The following B3GALNT1 variants were observed in gnomAD, a reference collection of about 807,000 sequenced individuals.
B3GALNT1 encodes the protein UDP-GalNAc:beta-1,3-N-acetylgalactosaminyltransferase 1.
A neutral mutation model predicts 27.3 loss-of-function variants in B3GALNT1; 17 were observed. The ratio of observed to expected loss-of-function variants is 0.62; its 90% CI spans 0.43 to 0.94. The LOEUF (loss-of-function observed/expected upper bound fraction) is 0.94, where lower values mean the gene tolerates loss of function less well. B3GALNT1 is among the 40% of genes least tolerant of loss of function. B3GALNT1 has a pLI of 0.00. For synonymous variants in B3GALNT1, 141 were observed against 144.0 expected (o/e 0.98, Z 0.15); for missense variants, 347 against 390.0 (o/e 0.89, Z 0.93).
chr3:161,096,857 T>A (rs762750076), intron 4 of B3GALNT1, among the ~76,000 whole-genome samples: 1 of 152,174 alleles, frequency 6.6e-6, no homozygotes. Flanking sequence ...TGAAAAATAC[T>A]GGAAGCCAAG....
In B3GALNT1 at chr3:161,085,941, T is replaced by C. The variant is rs749561701; in HGVS notation, c.814A>G (p.Ile272Val). 3.1e-6 allele frequency: 5 copies of C among 1,606,430 alleles called. No homozygotes were observed. The highest frequency in any genetic ancestry group is 2.2e-5 in the South Asian group (2 of 89,770). ...PIKFEDVYVG[I>V]CLNLLKVNIH... ...TTCACTTTTAATAAATTCAAACAGATCCCGACATAAACATCTTCAAACTTG... is the reference window on the plus strand; with the variant it reads ...TTCACTTTTAATAAATTCAAACAGACCCCGACATAAACATCTTCAAACTTG... The change falls in exon 5 of 5, where the codon ATC becomes GTC. Residue 272 changes from isoleucine (I) to valine (V), a missense_variant. By Grantham distance (29) the Ile-to-Val change is conservative. Coordinates refer to ENST00000320474, the MANE Select transcript of B3GALNT1 (RefSeq NM_003781.4).
intron 4 of B3GALNT1, among the ~76,000 whole-genome samples, chr3:161,087,446 T>A (rs980661003): frequency 1.3e-5 from 2 of 152,202 alleles, no homozygotes; most frequent in Non-Finnish European, 2.9e-5. Context: ...AGCTTTTACC[T>A]GCCCCAAACA....
chr3:161,098,975 TA>T (rs1434848746), intron 4 of B3GALNT1, among the ~76,000 whole-genome samples: 1 of 152,214 alleles, frequency 6.6e-6, no homozygotes, highest in Non-Finnish European at 1.5e-5. Flanking sequence ...GCTGGACACT[TA>T]AAGTCCTTCT....
intron 4 of B3GALNT1, among the ~76,000 whole-genome samples, chr3:161,097,764 G>C (rs986502734): frequency 6.6e-6 from 1 of 152,178 alleles, no homozygotes; most frequent in East Asian, 1.9e-4. Context: ...AGCTGGAGGA[G>C]AGCTGCAAAA....
intron 4 of B3GALNT1, among the ~76,000 whole-genome samples, chr3:161,093,343 C>G (rs1323795049): frequency 1.3e-5 from 2 of 152,186 alleles, no homozygotes; most frequent in African/African-American, 4.8e-5. Flanking sequence ...AAACGATACT[C>G]AGGCATGTAG....
chr3:161,085,420 ATTGTT>A lies in B3GALNT1; in HGVS notation c.*334_*338del. Reference sequence around the variant, plus strand: ...CATTGTTCAATAAATAAAACTCTACATTGTTTTGTTTTTACAGCCTAGTGAGCTTA... The same window carrying A: ...CATTGTTCAATAAATAAAACTCTACATTGTTTTTACAGCCTAGTGAGCTTA... On this transcript the variant is annotated 3_prime_UTR_variant, in exon 5 of 5. Transcript: ENST00000320474. 1 of 272,952 alleles carries A rather than the reference ATTGTT, an allele frequency of 3.7e-6. No individual in the cohort carries two copies. The highest frequency in any genetic ancestry group is 7.0e-6 in the Non-Finnish European group (1 of 142,652). 16.9% of individuals were successfully genotyped at this position (272,952 alleles called of 1,614,324 possible). A position where few individuals can be genotyped will look rare whatever the true frequency, so the allele number is the denominator to read the frequency against.
intron 4 of B3GALNT1, among the ~76,000 whole-genome samples, chr3:161,098,435 C>T (rs1433021450): frequency 6.6e-6 from 1 of 152,108 alleles, no homozygotes; most frequent in African/African-American, 2.4e-5. Context: ...AACTTTTGGC[C>T]GGGCATGGTG....
intron 4 of B3GALNT1, among the ~76,000 whole-genome samples, chr3:161,097,912 A>G (rs1231619758): frequency 6.6e-6 from 1 of 152,176 alleles, no homozygotes; most frequent in Non-Finnish European, 1.5e-5. Context: ...TAGGAAGTGA[A>G]ATTTTATTTA....
Position 161,086,334 on chromosome 3 carries a change from C to T in B3GALNT1, c.421G>A (p.Gly141Ser), listed in dbSNP as rs1279893185. The T allele has an allele frequency of 1.2e-6, 2 of 1,614,102 alleles. No individual in the cohort carries two copies. The highest frequency in any genetic ancestry group is 1.7e-6 in the Non-Finnish European group (2 of 1,180,024). ...LSLEDEHLLY[G>S]DIIRQDFLDT... ...AAAAAATCTTGTCGGATTATGTCAC[C>T]ATAAAGAAGGTGTTCATCCTCTAAG... The change falls in exon 5 of 5, where the codon GGT becomes AGT. Residue 141 changes from glycine (G) to serine (S), a missense_variant. Gly to Ser is a moderately conservative substitution (Grantham distance 56). Coordinates refer to ENST00000320474, the MANE Select transcript of B3GALNT1 (RefSeq NM_003781.4).
chr3:161,092,667 G>C (rs1382460356), intron 4 of B3GALNT1, among the ~76,000 whole-genome samples: 1 of 151,668 alleles, frequency 6.6e-6, no homozygotes. Context: ...AAAATGCTTT[G>C]GATATCAGAG....
chr3:161,086,059 C>A lies in B3GALNT1; in HGVS notation c.696G>T (p.Lys232Asn). 1 of 1,594,120 alleles carries A rather than the reference C, an allele frequency of 6.3e-7. No individual in the cohort carries two copies. Among genetic ancestry groups the A allele is most frequent in the Non-Finnish European group, 8.5e-7 (1 of 1,171,962 alleles). Residue 232 changes from lysine to asparagine, a missense_variant, in exon 5 of 5, where the codon AAG (lysine) becomes AAT (asparagine). Coordinates refer to ENST00000320474, the MANE Select transcript of B3GALNT1 (RefSeq NM_003781.4). Reference protein sequence around the residue: ...THISYQEYPFKVFPPYCSGLG... With the variant: ...THISYQEYPFNVFPPYCSGLG... ...ACCCACTGCAGTATGGAGGGAACAC[C>A]TTGAAAGGATACTCCTGGTAAGAAA...
chr3:161,093,845 T>A (rs191434561), intron 4 of B3GALNT1, among the ~76,000 whole-genome samples: 2,359 of 151,700 alleles, frequency 0.016, 63 homozygotes, highest in African/African-American at 0.054. Context: ...AAAAAAAAAA[T>A]TTTAAGATAA....
chr3:161,104,122 G>A (rs993909825), intron 2 of B3GALNT1, 197 bp downstream of exon 2: 1 of 324,032 alleles, frequency 3.1e-6, no homozygotes, highest in Non-Finnish European at 5.9e-6. Flanking sequence ...GGGGAAAAAA[G>A]TCATAGTCTC....
rs959988155 is a variant in B3GALNT1, at chr3:161,085,421, T to C, written c.*338A>G. The stretch of plus-strand genomic sequence containing the variant: ...ATTGTTCAATAAATAAAACTCTACA[T>C]TGTTTTGTTTTTACAGCCTAGTGAG... On this transcript the variant is annotated 3_prime_UTR_variant, in exon 5 of 5. Coordinates refer to ENST00000320474, the MANE Select transcript of B3GALNT1 (RefSeq NM_003781.4). 3.7e-5 allele frequency: 10 copies of C among 270,828 alleles called. No homozygotes were observed. Among genetic ancestry groups the C allele is most frequent in the Non-Finnish European group, 5.0e-5 (7 of 141,268 alleles). 16.8% of individuals were successfully genotyped at this position (270,828 alleles called of 1,614,324 possible).
At position 161,084,626 on chromosome 3, in the gene B3GALNT1, A is replaced by G. The variant is rs1222191200; in HGVS notation, c.*1133T>C. ...GTCTATGAAGAAATTTCTTTCTATA[A>G]AAGCACAAAATTTAAATCGGATTTG... On this transcript the variant is annotated 3_prime_UTR_variant, in exon 5 of 5. Coordinates refer to ENST00000320474, the MANE Select transcript of B3GALNT1 (RefSeq NM_003781.4). 2 of 152,184 alleles carry G rather than the reference A, an allele frequency of 1.3e-5. No homozygotes were observed. The highest frequency in any genetic ancestry group is 2.4e-5 in the African/African-American group (1 of 41,456). The allele number at this position is 152,184 out of a possible 1,614,324, so 9.4% of individuals were successfully genotyped here.
intron 3 of B3GALNT1, 155 bp downstream of exon 3, chr3:161,103,272 T>C (rs1732391470): frequency 4.0e-6 from 1 of 249,806 alleles, no homozygotes; most frequent in South Asian, 4.3e-5. Context: ...GCTTCACTCT[T>C]GAATTTCTTC....
At chr3:161,098,139 G>C (rs1220178632) in intron 4 of B3GALNT1, among the ~76,000 whole-genome samples, 1 of 152,066 alleles carries the variant, frequency 6.6e-6, no homozygotes, top group Admixed American at 6.6e-5. Flanking sequence ...CCATTCGTTT[G>C]ATGACTGCCG....
Position 161,086,459 on chromosome 3 carries a change from A to C in B3GALNT1, c.296T>G (p.Val99Gly). ...CCAAGACTTTTTTTCACCCCAAGTA[A>C]CTCTAATGGCCTGCCTGGCTTTCAC... ...SDVKARQAIR[V>G]TWGEKKSWWG... Residue 99 changes from valine to glycine, a missense_variant, in exon 5 of 5, where the codon GTT (valine) becomes GGT (glycine). Transcript: ENST00000320474. The C allele has an allele frequency of 1.2e-6, 2 of 1,613,924 alleles. No homozygotes were observed. Among genetic ancestry groups the C allele is most frequent in the South Asian group, 2.2e-5 (2 of 91,072 alleles).
chr3:161,101,901 A>G (rs1306357602), intron 3 of B3GALNT1, among the ~76,000 whole-genome samples: 2 of 152,134 alleles, frequency 1.3e-5, no homozygotes, highest in Non-Finnish European at 2.9e-5. Flanking sequence ...CAGATATGAG[A>G]TATGGTTTGA....
Sources: gnomAD v4.1 joint callset for allele counts (sites outside exome capture counted in the v4.1 genomes callset) on GRCh38, gnomAD v4.1.1 for gene constraint, MANE v1.5 for transcripts, NCBI Gene and HGNC (gene_info 2026-07-23, HGNC 2026-07-21) for gene names.